Variants in SLC22A7 observed in about 807,000 individuals in gnomAD.
The protein encoded by SLC22A7 is hOAT2.
Under a neutral mutation model 62.2 loss-of-function variants are expected in SLC22A7, and 48 were observed. That is an observed-to-expected ratio of 0.77 (90% CI 0.61 to 0.98). SLC22A7 has a LOEUF of 0.98. SLC22A7 is among the 50% of genes least tolerant of loss of function. The pLI is 0.00. For synonymous variants in SLC22A7, 276 were observed against 314.8 expected (o/e 0.88, Z 1.30); for missense variants, 581 against 703.8 (o/e 0.83, Z 1.97).
At chr6:43,304,355 T>G in intron 10 of SLC22A7, 111 bp downstream of exon 10, 1 of 960,074 alleles carries the variant, frequency 1.0e-6, no homozygotes, top group South Asian at 1.8e-5. Flanking sequence ...TGCACATGTG[T>G]ACTTGGTGCA....
chr6:43,302,817 T>A lies in SLC22A7; in HGVS notation c.1385+54T>A. The stretch of plus-strand genomic sequence containing the variant: ...TATGGGGCTTGTTAGTCACGTGTCT[T>A]AACCAACACTTCTACATACACGCAC... On this transcript the variant is annotated intron_variant, in intron 9 of 10. Coordinates refer to ENST00000372585, the MANE Select transcript of SLC22A7 (RefSeq NM_153320.2). The surrounding 1 kb of genome is among the most constrained non-coding windows in gnomAD (Gnocchi z 5.0). 8.6e-7 allele frequency: 1 copy of A among 1,168,308 alleles called. No individual in the cohort carries two copies. Among genetic ancestry groups the A allele is most frequent in the Non-Finnish European group, 1.3e-6 (1 of 790,598 alleles). 72.4% of individuals were successfully genotyped at this position (1,168,308 alleles called of 1,614,324 possible).
At position 43,299,322 on chromosome 6, in the gene SLC22A7, G is replaced by A; in HGVS notation, c.400-68G>A. The stretch of plus-strand genomic sequence containing the variant: ...CTCAGAAGGCTCCAGGGTCTGGAGA[G>A]GAGGAGCTGGTGCCTGCTGGAGAGG... On this transcript the variant is annotated intron_variant, in intron 2 of 10. Transcript: ENST00000372585. This position sits in a 1 kb window ranked among gnomAD's most constrained non-coding sequence, Gnocchi z 4.4. The A allele has an allele frequency of 6.2e-7, 1 of 1,608,646 alleles. No individual in the cohort carries two copies. Among genetic ancestry groups the A allele is most frequent in the Non-Finnish European group, 8.5e-7 (1 of 1,176,866 alleles).
chr6:43,298,412 G>A lies in SLC22A7; in HGVS notation c.54G>A (p.Leu18=), dbSNP rs1348370032. 6.2e-7 allele frequency: 1 copy of A among 1,614,084 alleles called. No individual in the cohort carries two copies. ...EQVGGFGPFQ[L]RNVALLALPR... ...TGGGCGGCTTTGGGCCCTTCCAACT[G>A]CGGAATGTGGCACTGCTGGCCCTGC... Residue 18 remains leucine, a synonymous_variant, in exon 1 of 11, where the codon CTG becomes CTA. Coordinates refer to ENST00000372585, the MANE Select transcript of SLC22A7 (RefSeq NM_153320.2).
rs750516460 is a variant in SLC22A7, at chr6:43,298,641, G to T, written c.283G>T (p.Gly95Trp). 9 of 1,587,618 alleles carry T rather than the reference G, an allele frequency of 5.7e-6. No homozygotes were observed. The highest frequency in any genetic ancestry group is 7.7e-6 in the Non-Finnish European group (9 of 1,164,860). ...YPQALPNTTL[G>W]EERQSRGELE... is the part of the protein sequence containing the mutation. ...CCAGGCTCTCCCCAACACCACGTTGGGGGAAGAAAGGCAGAGCCGTGGGGA... is the reference window on the plus strand; with the variant it reads ...CCAGGCTCTCCCCAACACCACGTTGTGGGAAGAAAGGCAGAGCCGTGGGGA... Residue 95 changes from glycine (G) to tryptophan (W), a missense_variant, in exon 1 of 11, where the codon GGG (glycine) becomes TGG (tryptophan). Coordinates refer to ENST00000372585, the MANE Select transcript of SLC22A7 (RefSeq NM_153320.2).
Position 43,299,206 on chromosome 6 carries a change from G to C in SLC22A7, c.399+109G>C. 6.2e-7 allele frequency: 1 copy of C among 1,613,970 alleles called. No homozygotes were observed. Among genetic ancestry groups the C allele is most frequent in the Non-Finnish European group, 8.5e-7 (1 of 1,179,946 alleles). The stretch of plus-strand genomic sequence containing the variant: ...GGAAGAAGCTGAGGCTGCAGGACTG[G>C]GGAGGGACAAAGTTTCCTATTCCCC... On this transcript the variant is annotated intron_variant, in intron 2 of 10. Coordinates refer to ENST00000372585, the MANE Select transcript of SLC22A7 (RefSeq NM_153320.2). This position sits in a 1 kb window ranked among gnomAD's most constrained non-coding sequence, Gnocchi z 4.4.
rs763157534 is a variant in SLC22A7, at chr6:43,299,505, C to T, written c.503+12C>T. 2 of 1,608,108 alleles carry T rather than the reference C, an allele frequency of 1.2e-6. No individual in the cohort carries two copies. Among genetic ancestry groups the T allele is most frequent in the Non-Finnish European group, 1.7e-6 (2 of 1,176,098 alleles). On this transcript the variant is annotated intron_variant, in intron 3 of 10. Transcript: ENST00000372585. This position sits in a 1 kb window ranked among gnomAD's most constrained non-coding sequence, Gnocchi z 4.4. The stretch of plus-strand genomic sequence containing the variant: ...TATCTGTCCGACAGGTGGGGTGAGG[C>T]ACTGGGCCAATAAGAAACTGGCTGG...
rs765345692 is a variant in SLC22A7, at chr6:43,299,380, G to C, written c.400-10G>C. ...GTTCATAGGAGGTCCCTTTCTGCCT[G>C]TCCTTGCAGTGGGATCTGGTGTGTG... is the stretch of plus-strand genomic sequence containing the variant. On this transcript the variant is annotated splice_polypyrimidine_tract_variant and intron_variant, in intron 2 of 10. Transcript: ENST00000372585. The surrounding 1 kb of genome is among the most constrained non-coding windows in gnomAD (Gnocchi z 4.4). 2 of 1,614,076 alleles carry C rather than the reference G, an allele frequency of 1.2e-6. No homozygotes were observed. Among genetic ancestry groups the C allele is most frequent in the African/African-American group, 1.3e-5 (1 of 75,060 alleles).
intron 5 of SLC22A7, among the ~76,000 whole-genome samples, chr6:43,300,928 G>C (rs1387457149): frequency 6.6e-6 from 1 of 152,220 alleles, no homozygotes; most frequent in East Asian, 1.9e-4. Flanking sequence ...ATGGGCCATT[G>C]CACCCAGCCC....
At position 43,301,255 on chromosome 6, in the gene SLC22A7, G is replaced by C. The variant is rs753768926; in HGVS notation, c.948G>C (p.Gln316His). 7 of 1,614,162 alleles carry C rather than the reference G, an allele frequency of 4.3e-6. No homozygotes were observed. The highest frequency in any genetic ancestry group is 1.7e-5 in the Admixed American group (1 of 60,028). The stretch of plus-strand genomic sequence containing the variant: ...CAGTGTGTGAGGACAGCTTCAGCCA[G>C]GAGGTGAGGGTGAACGTGTGTGTGA... ...GRPVCEDSFS[Q>H]EAVSKVAAGE... is the part of the protein sequence containing the mutation. The change falls in exon 6 of 11, where the codon CAG (glutamine) becomes CAC (histidine). Residue 316 changes from glutamine (Q) to histidine (H), a missense_variant. Physicochemically the swap from Gln to His is conservative, Grantham distance 24. Coordinates refer to ENST00000372585, the MANE Select transcript of SLC22A7 (RefSeq NM_153320.2).
chr6:43,296,953 C>T (rs1484229589), upstream of SLC22A7, among the ~76,000 whole-genome samples: 1 of 151,966 alleles, frequency 6.6e-6, no homozygotes, highest in Admixed American at 6.5e-5. Context: ...TTATTTTAAC[C>T]CTCCTGTAAG....
In SLC22A7 at chr6:43,299,611, C is replaced by T; in HGVS notation, c.504-16C>T. On this transcript the variant is annotated splice_polypyrimidine_tract_variant and intron_variant, in intron 3 of 10. Coordinates refer to ENST00000372585, the MANE Select transcript of SLC22A7 (RefSeq NM_153320.2). The surrounding 1 kb of genome is among the most constrained non-coding windows in gnomAD (Gnocchi z 4.4). ...CTCCTTCCACAGGGAACTGACCCTGCATGACCCCTTTGCAGGTTTGGGCGG... is the reference window on the plus strand; with the variant it reads ...CTCCTTCCACAGGGAACTGACCCTGTATGACCCCTTTGCAGGTTTGGGCGG... 1 of 1,614,160 alleles carries T rather than the reference C, an allele frequency of 6.2e-7. No homozygotes were observed. The highest frequency in any genetic ancestry group is 8.5e-7 in the Non-Finnish European group (1 of 1,180,030).
chr6:43,299,560 AGCCTAGTCTACCTAT>A lies in SLC22A7; in HGVS notation c.504-62_504-48del. On this transcript the variant is annotated intron_variant, in intron 3 of 10. Coordinates refer to ENST00000372585, the MANE Select transcript of SLC22A7 (RefSeq NM_153320.2). This position sits in a 1 kb window ranked among gnomAD's most constrained non-coding sequence, Gnocchi z 4.4. ...ACTTTCTCCCACTAGCTGGGGTATGAGCCTAGTCTACCTATGCCTTAGAACCTCCTTCCACAGGGA... is the reference window on the plus strand; with the variant it reads ...ACTTTCTCCCACTAGCTGGGGTATGAGCCTTAGAACCTCCTTCCACAGGGA... 6.2e-7 allele frequency: 1 copy of A among 1,609,858 alleles called. No individual in the cohort carries two copies.
Position 43,301,679 on chromosome 6 carries a change from T to G in SLC22A7, c.1048T>G (p.Cys350Gly), listed in dbSNP as rs778249312. The change falls in exon 7 of 11, where the codon TGC becomes GGC. Residue 350 changes from cysteine (C) to glycine (G), a missense_variant. Coordinates refer to ENST00000372585, the MANE Select transcript of SLC22A7 (RefSeq NM_153320.2). ...ACGGCTCCGACACATCTCACTGTGCTGCGTGGTGGTGTGGTGAGGAGGCTG... is the reference window on the plus strand; with the variant it reads ...ACGGCTCCGACACATCTCACTGTGCGGCGTGGTGGTGTGGTGAGGAGGCTG... Reference protein sequence around the residue: ...TPRLRHISLCCVVVWFGVNFS... With the variant: ...TPRLRHISLCGVVVWFGVNFS... The G allele has an allele frequency of 6.2e-7, 1 of 1,610,734 alleles. No individual in the cohort carries two copies. Among genetic ancestry groups the G allele is most frequent in the African/African-American group, 1.3e-5 (1 of 74,838 alleles).
chr6:43,298,845 C>T (rs1778630695), intron 1 of SLC22A7, 94 bp downstream of exon 1: 2 of 1,481,730 alleles, frequency 1.3e-6, no homozygotes, highest in East Asian at 2.3e-5. Flanking sequence ...TATTACTTTA[C>T]CTCTTAAAGT....
At chr6:43,301,106 T>C (rs1216597690) in intron 5 of SLC22A7, 29 bp from the exon 6 acceptor site, 1 of 1,613,892 alleles carries the variant, frequency 6.2e-7, no homozygotes, top group African/African-American at 1.3e-5. Flanking sequence ...CATGACTTTC[T>C]GGCTGATGGA....
rs1778731774 is a variant in SLC22A7 at position 43,301,209 on chromosome 6, G to C, written c.902G>C (p.Cys301Ser). Residue 301 changes from cysteine to serine, a missense_variant, in exon 6 of 11, where the codon TGT (cysteine) becomes TCT (serine). Transcript: ENST00000372585. ...GAGGCCCACAGGTACTTGCTCCACTGTGCCAGGCTCAATGGGCGGCCAGTG... is the reference window on the plus strand; with the variant it reads ...GAGGCCCACAGGTACTTGCTCCACTCTGCCAGGCTCAATGGGCGGCCAGTG... Reference protein sequence around the residue: ...VKEAHRYLLHCARLNGRPVCE... With the variant: ...VKEAHRYLLHSARLNGRPVCE... 3 of 1,614,226 alleles carry C rather than the reference G, an allele frequency of 1.9e-6. No individual in the cohort carries two copies. In the South Asian group the frequency reaches 3.3e-5, roughly 18 times the overall value.
upstream of SLC22A7, chr6:43,298,198 G>A: frequency 1.6e-5 from 10 of 622,616 alleles, no homozygotes; most frequent in South Asian, 1.9e-4. Context: ...TGGCTGGGGA[G>A]GGCCCAGTCC....
chr6:43,303,139 C>A, intron 9 of SLC22A7: 12 of 985,430 alleles, frequency 1.2e-5, no homozygotes, highest in Non-Finnish European at 1.4e-5. Flanking sequence ...TGAGCCACGT[C>A]AGACATCCTC....
At position 43,299,145 on chromosome 6, in the gene SLC22A7, G is replaced by A; in HGVS notation, c.399+48G>A. On this transcript the variant is annotated intron_variant, in intron 2 of 10. Coordinates refer to ENST00000372585, the MANE Select transcript of SLC22A7 (RefSeq NM_153320.2). The surrounding 1 kb of genome is among the most constrained non-coding windows in gnomAD (Gnocchi z 4.4). Reference sequence around the variant, plus strand: ...TGGAGGTGGAATGTCGGTGGAGGCAGTCTCCCTGGGAGGCAGCAGGTCGAG... The same window carrying A: ...TGGAGGTGGAATGTCGGTGGAGGCAATCTCCCTGGGAGGCAGCAGGTCGAG... 1 of 1,614,108 alleles carries A rather than the reference G, an allele frequency of 6.2e-7. No homozygotes were observed. The highest frequency in any genetic ancestry group is 8.5e-7 in the Non-Finnish European group (1 of 1,179,962).
Sources: gnomAD v4.1 joint callset for allele counts (sites outside exome capture counted in the v4.1 genomes callset) on GRCh38, gnomAD v4.1.1 for gene constraint, Gnocchi (gnomAD v3.1) non-coding constraint, MANE v1.5 for transcripts, NCBI Gene and HGNC (gene_info 2026-07-23, HGNC 2026-07-21) for gene names.